The following NELL1 variants were observed in gnomAD, a reference collection of about 807,000 sequenced individuals.
The protein encoded by NELL1 is neural EGFL like 1.
A neutral mutation model predicts 107.4 loss-of-function variants in NELL1; 76 were observed. The ratio of observed to expected loss-of-function variants is 0.71; its 90% CI spans 0.59 to 0.86. The LOEUF (loss-of-function observed/expected upper bound fraction) is 0.86, where lower values mean the gene tolerates loss of function less well. Among genes scored for constraint, NELL1 ranks in the 40% least tolerant of loss-of-function variants. The pLI is 0.00. For missense variants in NELL1, 1,024 were observed against 1,005.5 expected (o/e 1.02, Z -0.25); for synonymous variants, 353 against 341.2 (o/e 1.03, Z -0.38).
chr11:21,088,986 A>G (rs1018083100), intron 12 of NELL1, among the ~76,000 whole-genome samples: 2 of 152,344 alleles, frequency 1.3e-5, no homozygotes, highest in East Asian at 1.9e-4. Context: ...ATCACAGCAC[A>G]GAGACAGGAC....
intron 1 of NELL1, among the ~76,000 whole-genome samples, chr11:20,676,247 T>A (rs992607936): frequency 6.8e-6 from 1 of 146,680 alleles, no homozygotes; most frequent in Non-Finnish European, 1.5e-5. Context: ...CTTTCTAAAG[T>A]AGGACCCCCC....
At chr11:21,279,573 A>G (rs2133945666) in intron 14 of NELL1, among the ~76,000 whole-genome samples, 1 of 152,306 alleles carries the variant, frequency 6.6e-6, no homozygotes, top group African/African-American at 2.4e-5. Context: ...ACCTATTGGA[A>G]TGGCCAAAAT....
intron 14 of NELL1, among the ~76,000 whole-genome samples, chr11:21,326,082 G>GTTTTTTTTTTTT (rs1850131682): frequency 4.9e-5 from 2 of 41,042 alleles, no homozygotes; most frequent in Admixed American, 3.2e-4. Context: ...TTTTTTTTTT[G>GTTTTTTTTTTTT]GGCTATTTTG....
chr11:21,200,561 A>C lies in NELL1; in HGVS notation c.1427-28771A>C, dbSNP rs185978739. Among the ~76,000 whole-genome samples, 70 of 152,210 alleles carry C rather than the reference A, an allele frequency of 4.6e-4. No individual in the cohort carries two copies. In the East Asian group the frequency reaches 9.5e-3, roughly 21 times the overall value. ...CCTCATCAAATGGGTAGATTGCAAA[A>C]ATTTTCTCCCATTCTGTAGGTTGCC... On this transcript the variant is annotated intron_variant, in intron 13 of 19. Transcript: ENST00000357134.
At chr11:21,122,345 G>A (rs1238825108) in intron 13 of NELL1, among the ~76,000 whole-genome samples, 1 of 152,286 alleles carries the variant, frequency 6.6e-6, no homozygotes, top group South Asian at 2.1e-4. Context: ...TGTTGAGGCT[G>A]GTCTTGCAGC....
At chr11:20,721,202 ATATATATATTTT>A (rs1390668456) in intron 2 of NELL1, among the ~76,000 whole-genome samples, 10 of 134,624 alleles carry the variant, frequency 7.4e-5, no homozygotes, top group African/African-American at 2.7e-4. Context: ...TATATAGTGT[ATATATATATTTT>A]GTTTATATAT....
chr11:20,967,778 A>T (rs2134224726), intron 12 of NELL1, among the ~76,000 whole-genome samples: 1 of 152,286 alleles, frequency 6.6e-6, no homozygotes, highest in Middle Eastern at 3.4e-3. Context: ...TTTTAAGTGT[A>T]AGCAGATTAT....
chr11:20,939,883 G>C (rs1341915005), intron 10 of NELL1, among the ~76,000 whole-genome samples: 1 of 152,114 alleles, frequency 6.6e-6, no homozygotes, highest in Non-Finnish European at 1.5e-5. Context: ...TTGTACTTTG[G>C]CTATCTACAC....
At chr11:20,748,903 C>CCAT (rs1856067057) in intron 2 of NELL1, among the ~76,000 whole-genome samples, 3 of 43,298 alleles carry the variant, frequency 6.9e-5, no homozygotes, top group African/African-American at 2.0e-4. Context: ...CATCCATCCA[C>CCAT]CCAGCCACCC....
intron 13 of NELL1, among the ~76,000 whole-genome samples, chr11:21,203,768 T>C (rs2133851426): frequency 6.6e-6 from 1 of 152,324 alleles, no homozygotes; most frequent in African/African-American, 2.4e-5. Flanking sequence ...TTTTCATGTT[T>C]AGTGCTTCCT....
chr11:21,186,070 C>T (rs1444593052), intron 13 of NELL1, among the ~76,000 whole-genome samples: 4 of 151,760 alleles, frequency 2.6e-5, no homozygotes, highest in Non-Finnish European at 5.9e-5. Flanking sequence ...CCACCATATC[C>T]TCTGGCTTCT....
chr11:21,094,630 A>G (rs959897296), intron 12 of NELL1, among the ~76,000 whole-genome samples: 1 of 152,172 alleles, frequency 6.6e-6, no homozygotes, highest in African/African-American at 2.4e-5. Context: ...CCCAAACCTC[A>G]ATTCTAGCAA....
intron 15 of NELL1, among the ~76,000 whole-genome samples, chr11:21,391,661 T>C (rs1419341322): frequency 1.3e-5 from 2 of 151,802 alleles, no homozygotes. Flanking sequence ...TTTCTGAATG[T>C]TTTTGAGACA....
chr11:20,872,671 G>GGGGT (rs368157510), intron 4 of NELL1, among the ~76,000 whole-genome samples: 4 of 137,094 alleles, frequency 2.9e-5, no homozygotes, highest in East Asian at 4.5e-4. Context: ...CAGTGTTTGA[G>GGGGT]GTGTGTGTGT....
chr11:20,932,270 G>A (rs565616408), intron 9 of NELL1, among the ~76,000 whole-genome samples: 10 of 151,652 alleles, frequency 6.6e-5, no homozygotes, highest in African/African-American at 2.4e-4. Flanking sequence ...GTATTATTTT[G>A]GTAGACAGAT....
At chr11:20,784,030 A>T (rs1202785459) in intron 3 of NELL1, among the ~76,000 whole-genome samples, 200 bp downstream of exon 3, 1 of 152,230 alleles carries the variant, frequency 6.6e-6, no homozygotes, top group Non-Finnish European at 1.5e-5. Flanking sequence ...TCCAAGGACC[A>T]ATCATGAGTA....
chr11:20,981,034 A>C (rs7120543), intron 12 of NELL1, among the ~76,000 whole-genome samples: 48,445 of 152,066 alleles, frequency 0.32, 8,815 homozygotes, highest in East Asian at 0.51. Context: ...ACTTGCTGAC[A>C]TGTAATAGTC....
At chr11:20,745,442 A>G (rs916841349) in intron 2 of NELL1, among the ~76,000 whole-genome samples, 1 of 152,216 alleles carries the variant, frequency 6.6e-6, no homozygotes, top group Admixed American at 6.5e-5. Flanking sequence ...GATAGCACTG[A>G]CATTAGTGTG....
chr11:21,015,971 G>A (rs1270335627), intron 12 of NELL1, among the ~76,000 whole-genome samples: 3 of 151,304 alleles, frequency 2.0e-5, no homozygotes, highest in Admixed American at 6.6e-5. Flanking sequence ...TGTGTCCGAG[G>A]GCTAAGCTGT....
Sources: allele counts gnomAD v4.1 joint callset (sites outside exome capture counted in the v4.1 genomes callset), GRCh38; gene constraint gnomAD v4.1.1; transcripts MANE v1.5; gene names NCBI Gene and HGNC (gene_info 2026-07-23, HGNC 2026-07-21).